The following SGCD variants were observed in gnomAD, a reference collection of about 807,000 sequenced individuals.
The protein encoded by SGCD is delta-sarcoglycan.
Under a neutral mutation model 36.6 loss-of-function variants are expected in SGCD, and 18 were observed. The observed-to-expected ratio is 0.49, with a 90% CI of 0.34 to 0.73. SGCD has a LOEUF of 0.73. Among genes scored for constraint, SGCD ranks in the 30% least tolerant of loss-of-function variants. The pLI is 0.01. For synonymous variants in SGCD, 133 were observed against 130.6 expected, an observed-to-expected ratio of 1.02 and a Z score of -0.12; for missense variants, 387 against 346.7, an observed-to-expected ratio of 1.12 and a Z score of -0.92.
intron 1 of SGCD, among the ~76,000 whole-genome samples, chr5:155,883,937 C>G (rs1183459057): frequency 1.3e-5 from 2 of 151,890 alleles, no homozygotes; most frequent in Non-Finnish European, 2.9e-5. Context: ...TAGTTATTGG[C>G]AGAACTGGGA....
intron 3 of SGCD, among the ~76,000 whole-genome samples, chr5:156,489,640 G>C (rs1755850872): frequency 6.6e-6 from 1 of 151,924 alleles, no homozygotes; most frequent in Non-Finnish European, 1.5e-5. Flanking sequence ...GGTCAATAAA[G>C]AAATTAAGAA....
chr5:156,289,819 C>T (rs1408297698), intron 3 of SGCD, among the ~76,000 whole-genome samples: 2 of 151,920 alleles, frequency 1.3e-5, no homozygotes, highest in African/African-American at 4.8e-5. Context: ...ATGCCTGGCT[C>T]CAGTTCAATT....
rs148692774 is a variant in SGCD at position 156,356,204 on chromosome 5, T to G, written c.192+11527T>G. 7.3e-4 allele frequency among the ~76,000 whole-genome samples: 111 copies of G among 152,356 alleles called. 1 individual carries two copies. Among genetic ancestry groups the G allele is most frequent in the African/African-American group, 2.6e-3 (107 of 41,586 alleles). On this transcript the variant is annotated intron_variant, in intron 3 of 8. Coordinates refer to ENST00000337851, the MANE Select transcript of SGCD (RefSeq NM_000337.6). ...CAATAATTTGTTTTACTCATGATTC[T>G]GCAGATTGGGCAGAGCTCAGGGGAG...
intron 3 of SGCD, among the ~76,000 whole-genome samples, chr5:156,373,543 T>G (rs902015114): frequency 1.3e-5 from 2 of 152,220 alleles, no homozygotes; most frequent in African/African-American, 4.8e-5. Flanking sequence ...TCCTTCTCTG[T>G]GAAAGCATTT....
chr5:155,806,005 A>G, the SGCD span, among the ~76,000 whole-genome samples: 1 of 152,202 alleles, frequency 6.6e-6, no homozygotes, highest in Non-Finnish European at 1.5e-5. Flanking sequence ...GGAGGTCAGC[A>G]TACCTAGCCA....
chr5:156,063,530 G>A (rs1194289111), intron 1 of SGCD, among the ~76,000 whole-genome samples: 1 of 125,520 alleles, frequency 8.0e-6, no homozygotes, highest in Non-Finnish European at 1.7e-5. Flanking sequence ...TGGGCAGTAT[G>A]GCCATTTTCA....
At chr5:156,498,329 A>G (rs553758680) in intron 3 of SGCD, among the ~76,000 whole-genome samples, 4 of 151,470 alleles carry the variant, frequency 2.6e-5, no homozygotes, top group Non-Finnish European at 5.9e-5. Flanking sequence ...CATTTTAAGT[A>G]TACAACTGAG....
At chr5:156,504,752 C>T (rs896015737) in intron 3 of SGCD, among the ~76,000 whole-genome samples, 2 of 152,090 alleles carry the variant, frequency 1.3e-5, no homozygotes, top group East Asian at 1.9e-4. Context: ...TGAGGTAAAT[C>T]GTGAAAAGCA....
chr5:156,160,452 C>A (rs1763061527), intron 3 of SGCD, among the ~76,000 whole-genome samples: 1 of 151,390 alleles, frequency 6.6e-6, no homozygotes, highest in Non-Finnish European at 1.5e-5. Context: ...TAAAAATATT[C>A]TTTATAGTCT....
rs564472890 is a variant in SGCD, at chr5:155,961,891, G to A, written c.-282+91467G>A. Among the ~76,000 whole-genome samples, 13 of 152,142 alleles carry A rather than the reference G, an allele frequency of 8.5e-5. 1 individual carries two copies. The highest frequency in any genetic ancestry group is 3.1e-4 in the African/African-American group (13 of 41,528). On this transcript the variant is annotated intron_variant, in intron 1 of 9. Transcript: ENST00000517913. ...AAAAAGCTTTCTGCGTAGATATTTGGTAAGTACATATGATGAAAAATTCAT... is the reference window on the plus strand; with the variant it reads ...AAAAAGCTTTCTGCGTAGATATTTGATAAGTACATATGATGAAAAATTCAT...
At chr5:156,465,351 A>G (rs1481292029) in intron 3 of SGCD, among the ~76,000 whole-genome samples, 3 of 152,142 alleles carry the variant, frequency 2.0e-5, no homozygotes, top group African/African-American at 7.2e-5. Context: ...TCCTAGCTAT[A>G]AGGAAGAAAA....
rs189406118 is a variant in SGCD at position 156,257,257 on chromosome 5, G to A, written c.-43-72277G>A. Among the ~76,000 whole-genome samples the A allele has an allele frequency of 1.5e-4, 23 of 151,638 alleles. No homozygotes were observed. In the East Asian group the frequency reaches 1.6e-3, roughly 10 times the overall value. The stretch of plus-strand genomic sequence containing the variant: ...TGGGAGGCCGAGGCGGGCGGATCAC[G>A]AGGTCAAGAGATCGAGAGCATCCTG... On this transcript the variant is annotated intron_variant, in intron 3 of 9. Transcript: ENST00000517913.
At chr5:156,463,564 T>C (rs1027103016) in intron 3 of SGCD, among the ~76,000 whole-genome samples, 4 of 152,104 alleles carry the variant, frequency 2.6e-5, no homozygotes, top group African/African-American at 9.7e-5. Context: ...TTTTCTGAGG[T>C]ATGGATGGCT....
chr5:155,948,305 A>G (rs1351570854), intron 1 of SGCD, among the ~76,000 whole-genome samples: 1 of 151,554 alleles, frequency 6.6e-6, no homozygotes, highest in African/African-American at 2.4e-5. Flanking sequence ...AATAATAATA[A>G]TAAATAAAGT....
chr5:156,245,200 A>G (rs1765411220), intron 3 of SGCD, among the ~76,000 whole-genome samples: 1 of 152,204 alleles, frequency 6.6e-6, no homozygotes, highest in Non-Finnish European at 1.5e-5. Flanking sequence ...TTCCTCAAAT[A>G]TCTTCTCATT....
chr5:155,804,228 C>T, the SGCD span, among the ~76,000 whole-genome samples: 25 of 152,338 alleles, frequency 1.6e-4, no homozygotes, highest in Non-Finnish European at 1.5e-5. Flanking sequence ...AGCATACACA[C>T]ATTATCTCAT....
intron 1 of SGCD, among the ~76,000 whole-genome samples, chr5:156,042,130 C>T (rs1759650344): frequency 1.3e-5 from 2 of 151,904 alleles, no homozygotes; most frequent in African/African-American, 4.8e-5. Flanking sequence ...CTGTTTCCTC[C>T]AAATCTGGAA....
chr5:156,054,575 G>A (rs1285802313), intron 1 of SGCD, among the ~76,000 whole-genome samples: 4 of 146,562 alleles, frequency 2.7e-5, no homozygotes, highest in Non-Finnish European at 1.5e-5. Flanking sequence ...GTGAGCCACC[G>A]CGCCCGGCCC....
chr5:155,732,466 T>G, the SGCD span, among the ~76,000 whole-genome samples: 575 of 152,142 alleles, frequency 3.8e-3, 7 homozygotes, highest in African/African-American at 0.013. Context: ...TTTCCCAAGC[T>G]TTCTCCCTCC....
Sources: gnomAD v4.1 joint callset for allele counts (sites outside exome capture counted in the v4.1 genomes callset) on GRCh38, gnomAD v4.1.1 for gene constraint, MANE v1.5 for transcripts, NCBI Gene and HGNC (gene_info 2026-07-23, HGNC 2026-07-21) for gene names.